Variants in WDR88 observed in about 807,000 individuals in gnomAD.
WDR88 encodes the protein WD repeat-containing protein 88.
In WDR88, 40 loss-of-function variants were observed where a neutral mutation model predicts 46.8. That is an observed-to-expected ratio of 0.86 (90% CI 0.66 to 1.11). The LOEUF is 1.11. Ranked by LOEUF, WDR88 falls within the 50% of genes most tolerant of loss-of-function variation. The probability of loss-of-function intolerance (pLI) is 0.00; values close to 1 mark genes in which losing one functional copy is unlikely to be tolerated. For missense variants in WDR88, 562 were observed against 602.4 expected (o/e 0.93, Z 0.70); for synonymous variants, 235 against 240.7 (o/e 0.98, Z 0.22).
chr19:33,174,326 TCA>T, intron 10 of WDR88: 1 of 1,514,934 alleles, frequency 6.6e-7, no homozygotes, highest in Non-Finnish European at 8.8e-7. Flanking sequence ...CCAGCAGGCC[TCA>T]GTGTCCTGGA....
chr19:33,164,909 C>T (rs1016349335), intron 9 of WDR88, among the ~76,000 whole-genome samples: 3 of 151,842 alleles, frequency 2.0e-5, no homozygotes, highest in African/African-American at 7.3e-5. Context: ...AATTATACAA[C>T]CCACCATTAT....
intron 4 of WDR88, 86 bp downstream of exon 4, chr19:33,147,794 G>T: frequency 2.4e-6 from 3 of 1,232,048 alleles, no homozygotes; most frequent in Non-Finnish European, 3.5e-6. Context: ...ACCCTGGGTA[G>T]GGGGAGGTGA....
At chr19:33,150,029 A>G (rs907261968) in intron 5 of WDR88, among the ~76,000 whole-genome samples, 1 of 152,166 alleles carries the variant, frequency 6.6e-6, no homozygotes, top group African/African-American at 2.4e-5. Flanking sequence ...TGTGATGATG[A>G]TACCACATGT....
intron 1 of WDR88, among the ~76,000 whole-genome samples, chr19:33,134,264 C>G (rs558415287): frequency 2.4e-4 from 36 of 152,198 alleles, no homozygotes; most frequent in African/African-American, 5.8e-4. Flanking sequence ...ATGGTTCCCC[C>G]CTCTTGCTAA....
chr19:33,159,379 TA>T (rs1157555677), intron 7 of WDR88, among the ~76,000 whole-genome samples: 9 of 143,928 alleles, frequency 6.3e-5, no homozygotes, highest in Non-Finnish European at 1.0e-4. Flanking sequence ...AATAAATAAA[TA>T]AATAACAAAT....
At chr19:33,164,921 T>G (rs1973929225) in intron 9 of WDR88, among the ~76,000 whole-genome samples, 1 of 152,000 alleles carries the variant, frequency 6.6e-6, no homozygotes, top group African/African-American at 2.4e-5. Context: ...CACCATTATG[T>G]AGAATCAGTG....
At chr19:33,167,827 C>T (rs902851480) in intron 9 of WDR88, among the ~76,000 whole-genome samples, 1 of 151,544 alleles carries the variant, frequency 6.6e-6, no homozygotes, top group Admixed American at 6.6e-5. Context: ...ATTCTGTCAC[C>T]CAGGCTAGAG....
intron 3 of WDR88, 88 bp downstream of exon 3, chr19:33,145,020 T>A (rs1973483423): frequency 7.8e-7 from 1 of 1,278,310 alleles, no homozygotes; most frequent in South Asian, 1.3e-5. Context: ...TTGTTTTTGT[T>A]TTAAGTAATA....
At position 33,156,283 on chromosome 19, in the gene WDR88, C is replaced by T. The variant is rs201835599; in HGVS notation, c.810-72C>T. 2,850 of 1,493,986 alleles carry T rather than the reference C, an allele frequency of 1.9e-3. 22 individuals carry two copies. The highest frequency in any genetic ancestry group is 1.6e-3 in the Non-Finnish European group (1,751 of 1,102,070). The allele number at this position is 1,493,986 out of a possible 1,614,324, so 92.5% of individuals were successfully genotyped here. On this transcript the variant is annotated intron_variant, in intron 6 of 10. Transcript: ENST00000355868. ...ATGAGCTCACAGGAGAAAATACCCC[C>T]GGCTTTAGGTATGTCTTCAGGTCCT...
At chr19:33,154,705 C>G (rs935660721) in intron 6 of WDR88, among the ~76,000 whole-genome samples, 2 of 152,096 alleles carry the variant, frequency 1.3e-5, no homozygotes, top group Non-Finnish European at 2.9e-5. Context: ...ATTTATAATC[C>G]TCTGGGTATA....
chr19:33,157,789 G>T (rs1296895181), intron 7 of WDR88, among the ~76,000 whole-genome samples: 3 of 146,288 alleles, frequency 2.1e-5, no homozygotes, highest in Non-Finnish European at 4.5e-5. Context: ...CCTAGTTCTG[G>T]CCCCTGGCAG....
chr19:33,157,738 A>T (rs8105120), intron 7 of WDR88, among the ~76,000 whole-genome samples: 3,049 of 46,028 alleles, frequency 0.066, 339 homozygotes, highest in East Asian at 0.33. Context: ...TATATATATA[A>T]AATTAAAGAG....
intron 6 of WDR88, among the ~76,000 whole-genome samples, chr19:33,152,042 G>C (rs1568365165): frequency 1.3e-5 from 2 of 151,914 alleles, no homozygotes; most frequent in Non-Finnish European, 2.9e-5. Flanking sequence ...GACCAGCCTG[G>C]TCAACATAGT....
Position 33,164,393 on chromosome 19 carries a change from C to A in WDR88, c.1149+128C>A, listed in dbSNP as rs770527871. The A allele has an allele frequency of 9.9e-6, 8 of 807,930 alleles. No homozygotes were observed. In the East Asian group the frequency reaches 2.1e-4, roughly 21 times the overall value. 50.0% of individuals were successfully genotyped at this position (807,930 alleles called of 1,614,324 possible). On this transcript the variant is annotated intron_variant, in intron 9 of 10. Transcript: ENST00000355868. ...GTACCTGACCGGGCCATCGTGTTCA[C>A]GGAGCTGCCTGGGAATGTGGACAGC... is the stretch of plus-strand genomic sequence containing the variant.
chr19:33,155,921 C>G lies in WDR88; in HGVS notation c.810-434C>G, dbSNP rs570357701. On this transcript the variant is annotated intron_variant, in intron 6 of 10. Transcript: ENST00000355868. The stretch of plus-strand genomic sequence containing the variant: ...CCCCACAACTCTGAGTGACCCAGCT[C>G]AAAATGTCCACCTTGGTGTGGTTGG... Among the ~76,000 whole-genome samples the G allele has an allele frequency of 2.0e-5, 3 of 152,332 alleles. No homozygotes were observed. The South Asian group carries it at 6.2e-4, about 32-fold the overall frequency.
At chr19:33,174,526 C>T in intron 10 of WDR88, 3 of 985,138 alleles carry the variant, frequency 3.0e-6, no homozygotes, top group Non-Finnish European at 3.6e-6. Context: ...TGAGCTGTGC[C>T]ATTTGTTTTC....
At chr19:33,153,094 A>G (rs1430351381) in intron 6 of WDR88, among the ~76,000 whole-genome samples, 2 of 152,080 alleles carry the variant, frequency 1.3e-5, no homozygotes, top group Non-Finnish European at 2.9e-5. Flanking sequence ...TCTGTTGCCC[A>G]GGCTGGAGTG....
At position 33,175,390 on chromosome 19, in the gene WDR88, T is replaced by C; in HGVS notation, c.1243-6T>C. 2 of 1,613,954 alleles carry C rather than the reference T, an allele frequency of 1.2e-6. No individual in the cohort carries two copies. The highest frequency in any genetic ancestry group is 1.7e-6 in the Non-Finnish European group (2 of 1,179,878). ...CTTTCTGCTCTTTTAAAATATCCCA[T>C]GTCAGTGCGAAAGATGTGACAGGCC... On this transcript the variant is annotated splice_polypyrimidine_tract_variant and splice_region_variant and intron_variant, in intron 10 of 10. Transcript: ENST00000355868.
intron 3 of WDR88, among the ~76,000 whole-genome samples, chr19:33,147,379 G>A (rs553047348): frequency 4.3e-4 from 66 of 152,268 alleles, no homozygotes; most frequent in African/African-American, 1.5e-3. Flanking sequence ...GAGGCAGGTG[G>A]ATCACTTGAG....
Sources: gnomAD v4.1 joint callset for allele counts (sites outside exome capture counted in the v4.1 genomes callset) on GRCh38, gnomAD v4.1.1 for gene constraint, MANE v1.5 for transcripts, NCBI Gene and HGNC (gene_info 2026-07-23, HGNC 2026-07-21) for gene names.